Variants in PAX5 observed in about 807,000 individuals in gnomAD.
PAX5 encodes paired box 5.
In PAX5, 9 loss-of-function variants were observed where a neutral mutation model predicts 43.7. That is an observed-to-expected ratio of 0.21 (90% CI 0.12 to 0.36). PAX5 has a LOEUF of 0.36. PAX5 is among the 10% of genes least tolerant of loss of function. The pLI, the probability that PAX5 is intolerant of heterozygous loss-of-function variation, is 1.00. For synonymous variants in PAX5, 228 were observed against 214.3 expected, an observed-to-expected ratio of 1.06 and a Z score of -0.56; for missense variants, 383 against 532.7, an observed-to-expected ratio of 0.72 and a Z score of 2.77.
intron 6 of PAX5, among the ~76,000 whole-genome samples, chr9:36,927,771 C>T (rs972744666): frequency 5.3e-5 from 8 of 151,462 alleles, no homozygotes; most frequent in Admixed American, 1.3e-4. Context: ...TGCAGTGGCA[C>T]GATCTTGGCT....
chr9:36,952,536 C>T (rs2132116418), intron 6 of PAX5, among the ~76,000 whole-genome samples: 1 of 152,246 alleles, frequency 6.6e-6, no homozygotes, highest in South Asian at 2.1e-4. Flanking sequence ...ACTTGTTGAA[C>T]TTGTTCTTTG....
intron 7 of PAX5, among the ~76,000 whole-genome samples, chr9:36,902,490 T>C (rs1203747636): frequency 6.6e-6 from 1 of 152,080 alleles, no homozygotes; most frequent in Non-Finnish European, 1.5e-5. Flanking sequence ...TCCGGGAGGG[T>C]GCCGTGGGCA....
At chr9:36,946,022 A>G (rs1180351615) in intron 6 of PAX5, among the ~76,000 whole-genome samples, 2 of 152,194 alleles carry the variant, frequency 1.3e-5, no homozygotes, top group Non-Finnish European at 1.5e-5. Context: ...ACCTCCCCCT[A>G]AAGGAACAGC....
chr9:36,863,609 T>C (rs73648157), intron 8 of PAX5, among the ~76,000 whole-genome samples: 21,137 of 152,116 alleles, frequency 0.14, 1,503 homozygotes, highest in Middle Eastern at 0.17. Flanking sequence ...GCCCCTGTGT[T>C]TTCTCTTGTT....
chr9:36,926,671 G>A (rs965059533), intron 6 of PAX5, among the ~76,000 whole-genome samples: 3 of 152,230 alleles, frequency 2.0e-5, no homozygotes, highest in African/African-American at 7.2e-5. Flanking sequence ...TTTCCTAGAT[G>A]GCATCTTCTA....
intron 6 of PAX5, among the ~76,000 whole-genome samples, chr9:36,961,651 G>A (rs1457111585): frequency 6.6e-6 from 1 of 152,222 alleles, no homozygotes; most frequent in South Asian, 2.1e-4. Flanking sequence ...GCCTGGTGTT[G>A]GTTAATAGTC....
chr9:36,875,235 G>A lies in PAX5; in HGVS notation c.1012+6769C>T, dbSNP rs546233208. Among the ~76,000 whole-genome samples the A allele has an allele frequency of 1.1e-4, 17 of 152,348 alleles. No homozygotes were observed. The East Asian group carries it at 3.3e-3, about 29-fold the overall frequency. ...GACTCAGGGCCACAGCAAACCTAGCGAAGCTCTCCTTGGCAGCTCGGCCTA... is the reference window on the plus strand; with the variant it reads ...GACTCAGGGCCACAGCAAACCTAGCAAAGCTCTCCTTGGCAGCTCGGCCTA... On this transcript the variant is annotated intron_variant, in intron 8 of 9. Coordinates refer to ENST00000358127, the MANE Select transcript of PAX5 (RefSeq NM_016734.3).
rs908685164 is a variant in PAX5, at chr9:37,015,284, G to A, written c.213-90C>T. On this transcript the variant is annotated intron_variant, in intron 2 of 9. Transcript: ENST00000358127. The surrounding 1 kb of genome is among the most constrained non-coding windows in gnomAD (Gnocchi z 4.4). Reference sequence around the variant, plus strand: ...TAACGGGCTACTCTGGCCAGGAAACGTCCGGATCTGCACGTTCCAATACAG... The same window carrying A: ...TAACGGGCTACTCTGGCCAGGAAACATCCGGATCTGCACGTTCCAATACAG... 1.4e-5 allele frequency: 16 copies of A among 1,136,602 alleles called. No homozygotes were observed. Among genetic ancestry groups the A allele is most frequent in the South Asian group, 6.7e-5 (5 of 75,050 alleles). 70.4% of individuals were successfully genotyped at this position (1,136,602 alleles called of 1,614,324 possible). A position where few individuals can be genotyped will look rare whatever the true frequency, so the allele number is the denominator to read the frequency against.
At chr9:36,865,959 T>C (rs866218425) in intron 8 of PAX5, among the ~76,000 whole-genome samples, 7 of 152,178 alleles carry the variant, frequency 4.6e-5, no homozygotes, top group African/African-American at 1.7e-4. Flanking sequence ...CTCGGGCAGG[T>C]GGGGTGGATC....
intron 9 of PAX5, among the ~76,000 whole-genome samples, chr9:36,845,216 G>C (rs1822447064): frequency 6.6e-6 from 1 of 152,112 alleles, no homozygotes. Flanking sequence ...CTCCCAGCAG[G>C]ACTGGGATCA....
intron 8 of PAX5, among the ~76,000 whole-genome samples, chr9:36,852,059 A>G (rs1472061156): frequency 3.3e-5 from 5 of 152,134 alleles, no homozygotes; most frequent in Non-Finnish European, 7.3e-5. Context: ...TATAAAATGG[A>G]GGGAAGGAAA....
At chr9:36,900,031 G>A (rs537071734) in intron 7 of PAX5, among the ~76,000 whole-genome samples, 3 of 152,334 alleles carry the variant, frequency 2.0e-5, no homozygotes, top group African/African-American at 7.2e-5. Context: ...ATTCTTTCCA[G>A]CCTTGTTACC....
At chr9:36,944,434 A>C (rs1050267600) in intron 6 of PAX5, among the ~76,000 whole-genome samples, 7 of 152,054 alleles carry the variant, frequency 4.6e-5, no homozygotes, top group Non-Finnish European at 8.8e-5. Flanking sequence ...GCCTGGCCCT[A>C]GTGCCCACTC....
intron 3 of PAX5, chr9:37,007,348 C>T (rs1029739228): frequency 2.0e-5 from 3 of 152,070 alleles, no homozygotes; most frequent in Non-Finnish European, 4.4e-5. Flanking sequence ...AAATCATTTT[C>T]GGAAAAGAAA....
intron 8 of PAX5, among the ~76,000 whole-genome samples, chr9:36,864,829 G>A (rs533252672): frequency 1.1e-4 from 16 of 152,302 alleles, no homozygotes; most frequent in East Asian, 7.8e-4. Flanking sequence ...AGGGTGGGCC[G>A]GCGCCGGAGC....
intron 6 of PAX5, among the ~76,000 whole-genome samples, chr9:36,943,888 C>T (rs1284160595): frequency 1.3e-5 from 2 of 151,898 alleles, no homozygotes; most frequent in African/African-American, 4.8e-5. Flanking sequence ...ATAAAATGGA[C>T]CCAATAAGTG....
intron 1 of PAX5, among the ~76,000 whole-genome samples, chr9:37,028,564 C>T (rs1005993558): frequency 2.6e-5 from 4 of 152,244 alleles, no homozygotes; most frequent in Non-Finnish European, 5.9e-5. Context: ...GGCCCTCTTT[C>T]CTGCCTCAGA....
intron 5 of PAX5, among the ~76,000 whole-genome samples, chr9:36,991,390 A>T (rs986572484): frequency 2.0e-5 from 3 of 152,116 alleles, no homozygotes; most frequent in Admixed American, 6.5e-5. Flanking sequence ...TCCAATTTCC[A>T]CATTTTAATA....
chr9:37,024,359 G>A (rs763156103), intron 1 of PAX5, among the ~76,000 whole-genome samples: 8 of 152,022 alleles, frequency 5.3e-5, no homozygotes, highest in African/African-American at 1.7e-4. Context: ...AAGCAGTGGT[G>A]GGGGGAAGCA....
Sources: allele counts gnomAD v4.1 joint callset (sites outside exome capture counted in the v4.1 genomes callset), GRCh38; gene constraint gnomAD v4.1.1; non-coding constraint Gnocchi (gnomAD v3.1); transcripts MANE v1.5; gene names NCBI Gene and HGNC (gene_info 2026-07-23, HGNC 2026-07-21).